Variants in TRIM2 observed in about 807,000 individuals in gnomAD.
TRIM2 encodes the protein tripartite motif-containing protein 2.
A neutral mutation model predicts 75.2 loss-of-function variants in TRIM2; 20 were observed. The observed-to-expected ratio is 0.27, with a 90% CI of 0.19 to 0.39. The LOEUF (loss-of-function observed/expected upper bound fraction) is 0.39. TRIM2 is among the 10% of genes least tolerant of loss of function. TRIM2 has a pLI of 1.00. For synonymous variants in TRIM2, 373 were observed against 388.3 expected (o/e 0.96, Z 0.46); for missense variants, 660 against 990.8 (o/e 0.67, Z 4.48).
chr4:153,255,425 T>TG (rs1267320991), intron 1 of TRIM2, among the ~76,000 whole-genome samples: 3 of 152,068 alleles, frequency 2.0e-5, no homozygotes, highest in East Asian at 1.9e-4. Context: ...AAGAATGTGC[T>TG]GGGGGGCGGG....
intron 1 of TRIM2, among the ~76,000 whole-genome samples, chr4:153,240,053 C>T (rs1021336459): frequency 4.6e-5 from 7 of 151,980 alleles, no homozygotes; most frequent in African/African-American, 2.4e-5. Context: ...AGGCTGGTCT[C>T]GTACTCCTGG....
chr4:153,244,438 T>TTCTTC (rs1748512067), intron 1 of TRIM2, among the ~76,000 whole-genome samples: 1 of 74,146 alleles, frequency 1.3e-5, no homozygotes, highest in Non-Finnish European at 2.5e-5. Context: ...TCTTCTTCTT[T>TTCTTC]TAATTAGAGA....
At chr4:153,319,739 A>AAT (rs1554001504) in intron 8 of TRIM2, among the ~76,000 whole-genome samples, 12 of 151,190 alleles carry the variant, frequency 7.9e-5, no homozygotes, top group Middle Eastern at 3.2e-3. Context: ...TCAAAAAAAA[A>AAT]ATATATATAT....
intron 1 of TRIM2, among the ~76,000 whole-genome samples, chr4:153,164,377 T>C (rs769819092): frequency 1.1e-4 from 17 of 152,178 alleles, no homozygotes; most frequent in Non-Finnish European, 2.4e-4. Flanking sequence ...CAGCAGTCTC[T>C]TTTCTCCTTA....
At chr4:153,334,415 A>T in intron 11 of TRIM2, among the ~76,000 whole-genome samples, 2 of 145,470 alleles carry the variant, frequency 1.4e-5, no homozygotes, top group Admixed American at 7.0e-5. Context: ...TTTTTAAGAG[A>T]CGGGGTCTCG....
At chr4:153,225,067 C>T (rs1182423885) in intron 1 of TRIM2, among the ~76,000 whole-genome samples, 1 of 152,166 alleles carries the variant, frequency 6.6e-6, no homozygotes. Context: ...AGAATTTGGC[C>T]TATTCAATGA....
intron 11 of TRIM2, among the ~76,000 whole-genome samples, chr4:153,329,115 C>T (rs910899123): frequency 6.6e-6 from 1 of 152,090 alleles, no homozygotes; most frequent in African/African-American, 2.4e-5. Context: ...TTATTCTCAT[C>T]ACTACTTCAA....
chr4:153,267,995 G>A (rs1436998104), intron 1 of TRIM2, among the ~76,000 whole-genome samples: 4 of 152,180 alleles, frequency 2.6e-5, no homozygotes, highest in African/African-American at 7.2e-5. Context: ...AATTTAGCAG[G>A]TAGGGGCAGG....
At chr4:153,253,440 A>G (rs1751334387) in intron 1 of TRIM2, among the ~76,000 whole-genome samples, 1 of 152,058 alleles carries the variant, frequency 6.6e-6, no homozygotes, top group Non-Finnish European at 1.5e-5. Context: ...CCAAATGCAC[A>G]CCCTACTACC....
At chr4:153,327,386 G>A (rs763550382) in intron 10 of TRIM2, among the ~76,000 whole-genome samples, 1 of 152,186 alleles carries the variant, frequency 6.6e-6, no homozygotes, top group Non-Finnish European at 1.5e-5. Flanking sequence ...ATGACAACAG[G>A]TGGCTCTCTA....
intron 3 of TRIM2, among the ~76,000 whole-genome samples, chr4:153,291,894 C>T (rs1186754007): frequency 6.6e-6 from 1 of 152,166 alleles, no homozygotes; most frequent in African/African-American, 2.4e-5. Context: ...CTGTTACTAT[C>T]TCCATTTGAC....
chr4:153,222,339 A>G (rs552798962), intron 1 of TRIM2: 1 of 152,026 alleles, frequency 6.6e-6, no homozygotes, highest in African/African-American at 2.4e-5. Flanking sequence ...CTGAAAGGAC[A>G]GTGTTTGCAT....
At chr4:153,321,873 A>G (rs1043434458) in intron 8 of TRIM2, among the ~76,000 whole-genome samples, 12 of 152,186 alleles carry the variant, frequency 7.9e-5, no homozygotes. Context: ...CAAAAATGCC[A>G]TTAGGAGTTG....
At chr4:153,304,066 A>C (rs1475472708) in intron 6 of TRIM2, among the ~76,000 whole-genome samples, 1 of 152,144 alleles carries the variant, frequency 6.6e-6, no homozygotes, top group African/African-American at 2.4e-5. Flanking sequence ...GAAGGCTGGC[A>C]TGTGGAAGGA....
At chr4:153,317,625 G>T (rs1291634342) in intron 8 of TRIM2, among the ~76,000 whole-genome samples, 1 of 149,642 alleles carries the variant, frequency 6.7e-6, no homozygotes, top group Non-Finnish European at 1.5e-5. Context: ...ACTCCAGCCT[G>T]GGCGACAAAG....
In TRIM2 at chr4:153,275,958, C is replaced by T. The variant is rs1757931863; in HGVS notation, c.281C>T (p.Ser94Phe). 1 of 1,614,106 alleles carries T rather than the reference C, an allele frequency of 6.2e-7. No homozygotes were observed. The highest frequency in any genetic ancestry group is 8.5e-7 in the Non-Finnish European group (1 of 1,180,054). The change falls in exon 3 of 12, where the codon TCC becomes TTC. Residue 94 changes from serine (S) to phenylalanine (F), a missense_variant. Ser to Phe is a radical substitution (Grantham distance 155). This residue lies in a region of TRIM2 where 620 missense variants were observed against 891.0 expected (regional missense o/e 0.70). Coordinates refer to ENST00000338700, the MANE Select transcript of TRIM2 (RefSeq NM_015271.5). ...TLSCPVCRQT[S>F]ILPEKGVAAL... ...TCCTGCCCAGTGTGCCGCCAGACCTCCATCCTGCCCGAGAAAGGGGTGGCC... is the reference window on the plus strand; with the variant it reads ...TCCTGCCCAGTGTGCCGCCAGACCTTCATCCTGCCCGAGAAAGGGGTGGCC...
chr4:153,256,808 T>C lies in TRIM2; in HGVS notation c.31-13527T>C, dbSNP rs140426067. The stretch of plus-strand genomic sequence containing the variant: ...ATTAGAACCACAAAAAGCAAAGAAA[T>C]GTCATTGCATGATTTGACTTTGTGG... On this transcript the variant is annotated intron_variant, in intron 1 of 11. Coordinates refer to ENST00000338700, the MANE Select transcript of TRIM2 (RefSeq NM_015271.5). Among the ~76,000 whole-genome samples, 688 of 152,296 alleles carry C rather than the reference T, an allele frequency of 4.5e-3. 5 individuals are homozygous for C. The highest frequency in any genetic ancestry group is 0.016 in the African/African-American group (659 of 41,560).
intron 1 of TRIM2, among the ~76,000 whole-genome samples, chr4:153,183,090 C>A (rs2149640709): frequency 1.3e-5 from 2 of 152,266 alleles, no homozygotes; most frequent in Middle Eastern, 6.8e-3. Flanking sequence ...GAAGTGTGGG[C>A]TGGTGTGTTT....
intron 1 of TRIM2, chr4:153,257,256 C>A (rs112856596): frequency 3.6e-6 from 1 of 277,876 alleles, no homozygotes. Flanking sequence ...AGCTCAGCGG[C>A]CCAGCACGAG....
Sources: allele counts gnomAD v4.1 joint callset (sites outside exome capture counted in the v4.1 genomes callset), GRCh38; gene constraint gnomAD v4.1.1; regional missense constraint gnomAD v4.1.1; transcripts MANE v1.5; gene names NCBI Gene and HGNC (gene_info 2026-07-23, HGNC 2026-07-21).